MIA2: variants seen among roughly 807,000 people sequenced by gnomAD.
MIA2 encodes MIA SH3 domain ER export factor 2, also known as melanoma inhibitory activity protein 2.
MIA2 carries 127 observed loss-of-function variants against 167.8 expected under a neutral mutation model. That is an observed-to-expected ratio of 0.76 (90% CI 0.66 to 0.88). The LOEUF is 0.88. Among genes scored for constraint, MIA2 ranks in the 40% least tolerant of loss-of-function variants. MIA2 has a pLI of 0.00. For missense variants in MIA2, 1,690 were observed against 1,624.7 expected (o/e 1.04, Z -0.69); for synonymous variants, 552 against 541.9 (o/e 1.02, Z -0.26).
intron 6 of MIA2, chr14:39,267,061 G>C (rs12896883): frequency 3.8e-6 from 4 of 1,061,026 alleles, no homozygotes; most frequent in Non-Finnish European, 4.6e-6. Flanking sequence ...GCCCCTTTAA[G>C]AGCAAACGAC....
intron 6 of MIA2, among the ~76,000 whole-genome samples, chr14:39,269,547 C>G (rs1023648702): frequency 6.0e-5 from 9 of 150,076 alleles, no homozygotes; most frequent in African/African-American, 2.2e-4. Context: ...GAGACAGGGT[C>G]TCATCCCTGT....
downstream of MIA2, among the ~76,000 whole-genome samples, chr14:39,354,673 C>T (rs926043197): frequency 6.6e-6 from 1 of 152,078 alleles, no homozygotes; most frequent in Non-Finnish European, 1.5e-5. Context: ...AGGTTTTCTT[C>T]TAGGGTTTTT....
chr14:39,262,630 A>G (rs1195563526), intron 6 of MIA2, among the ~76,000 whole-genome samples: 2 of 152,184 alleles, frequency 1.3e-5, no homozygotes, highest in Non-Finnish European at 1.5e-5. Context: ...CACAATATTG[A>G]TTCTTCCTAT....
At chr14:39,365,425 T>A (rs889259761) in intron 23 of MIA2, among the ~76,000 whole-genome samples, 8 of 152,212 alleles carry the variant, frequency 5.3e-5, no homozygotes, top group African/African-American at 9.6e-5. Flanking sequence ...AATTCAAATA[T>A]TTGGTTACAC....
intron 14 of MIA2, among the ~76,000 whole-genome samples, chr14:39,300,941 T>C (rs1363541123): frequency 7.1e-6 from 1 of 141,092 alleles, no homozygotes; most frequent in Non-Finnish European, 1.5e-5. Flanking sequence ...CACACATATA[T>C]ACATATATAC....
chr14:39,354,300 T>C, downstream of MIA2, among the ~76,000 whole-genome samples: 1 of 152,266 alleles, frequency 6.6e-6, no homozygotes, highest in East Asian at 1.9e-4. Context: ...TTGATTTGCA[T>C]TTCTCTGATG....
chr14:39,267,530 CA>C, intron 6 of MIA2: 1 of 1,613,250 alleles, frequency 6.2e-7, no homozygotes, highest in Non-Finnish European at 8.5e-7. Flanking sequence ...AGGGTGAGCC[CA>C]GGCGCGATGA....
chr14:39,347,884 C>T, intron 27 of MIA2, 113 bp downstream of exon 27: 3 of 983,876 alleles, frequency 3.0e-6, no homozygotes, highest in South Asian at 1.7e-5. Flanking sequence ...TGCAGTGGCG[C>T]TATCTCGGCT....
intron 6 of MIA2, chr14:39,265,472 G>A (rs878915172): frequency 4.7e-6 from 7 of 1,476,268 alleles, no homozygotes; most frequent in Non-Finnish European, 6.6e-6. Context: ...TTGGAATTTT[G>A]CACTAAGTTT....
intron 26 of MIA2, 47 bp downstream of exon 26, chr14:39,346,073 A>G (rs201008412): frequency 1.5e-3 from 2,363 of 1,534,278 alleles, no homozygotes; most frequent in Non-Finnish European, 2.0e-3. Context: ...TTGGTGGCAC[A>G]CTAAAGAACT....
At chr14:39,359,947 C>G (rs2074637381) in intron 23 of MIA2, among the ~76,000 whole-genome samples, 2 of 151,698 alleles carry the variant, frequency 1.3e-5, no homozygotes, top group Admixed American at 6.6e-5. Flanking sequence ...ACATTCCTAC[C>G]AACAGTGTAT....
chr14:39,329,315 T>G (rs1485315569), intron 25 of MIA2, among the ~76,000 whole-genome samples: 1 of 152,246 alleles, frequency 6.6e-6, no homozygotes, highest in African/African-American at 2.4e-5. Flanking sequence ...TTTTGTATCC[T>G]GAGACTTTGC....
intron 16 of MIA2, among the ~76,000 whole-genome samples, chr14:39,303,865 T>TTA (rs2062905993): frequency 6.6e-6 from 1 of 151,820 alleles, no homozygotes; most frequent in African/African-American, 2.4e-5. Flanking sequence ...CCCTATATCC[T>TTA]ATTTTAAGTA....
rs548814650 is a variant in MIA2 at position 39,281,378 on chromosome 14, T to C, written c.2130+1841T>C. On this transcript the variant is annotated intron_variant, in intron 9 of 28. Coordinates refer to ENST00000640607, the MANE Select transcript of MIA2 (RefSeq NM_001329214.4). ...CGTTCTTTTCCAGGGTTTCCATCTT[T>C]TTGTTTGCCCACACTTCAGTCTAGA... Among the ~76,000 whole-genome samples the C allele has an allele frequency of 2.6e-5, 4 of 152,280 alleles. No homozygotes were observed. In the South Asian group the frequency reaches 6.2e-4, roughly 24 times the overall value.
chr14:39,246,242 G>T (rs890346217), intron 3 of MIA2, among the ~76,000 whole-genome samples: 5 of 151,800 alleles, frequency 3.3e-5, no homozygotes, highest in Non-Finnish European at 5.9e-5. Context: ...GACTACAGGC[G>T]CCCACCACCA....
intron 16 of MIA2, 54 bp from the exon 17 acceptor site, chr14:39,304,237 A>ATT (rs1422192236): frequency 2.9e-6 from 2 of 696,568 alleles, no homozygotes; most frequent in Non-Finnish European, 4.6e-6. Flanking sequence ...TTTTATTTTT[A>ATT]TTTTTTTGTA....
rs904823725 is a variant in MIA2, at chr14:39,295,976, T to C, written c.2496+947T>C. Among the ~76,000 whole-genome samples, 5 of 152,344 alleles carry C rather than the reference T, an allele frequency of 3.3e-5. No homozygotes were observed. In the South Asian group the frequency reaches 6.2e-4, roughly 19 times the overall value. On this transcript the variant is annotated intron_variant, in intron 13 of 28. Coordinates refer to ENST00000640607, the MANE Select transcript of MIA2 (RefSeq NM_001329214.4). ...ATGCTGTCTTCTAGAGATACAGATA[T>C]CTTATTCATGCCTTCAAATGCTTTG...
chr14:39,280,638 C>T (rs2058773061), intron 9 of MIA2, among the ~76,000 whole-genome samples: 1 of 152,064 alleles, frequency 6.6e-6, no homozygotes, highest in South Asian at 2.1e-4. Flanking sequence ...GAGGCTGAGG[C>T]AGGAGAATGG....
In MIA2 at chr14:39,282,752, T is replaced by C. The variant is rs181459930; in HGVS notation, c.2130+3215T>C. ...CATGCTTGCCTGATTTTTAAATTTT[T>C]TGTAGAGATGGGGTCTCCCTATGTT... On this transcript the variant is annotated intron_variant, in intron 9 of 28. Transcript: ENST00000640607. 3.4e-3 allele frequency among the ~76,000 whole-genome samples: 510 copies of C among 152,216 alleles called. 1 individual carries two copies. Among genetic ancestry groups the C allele is most frequent in the African/African-American group, 0.012 (487 of 41,532 alleles).
Sources: allele counts gnomAD v4.1 joint callset (sites outside exome capture counted in the v4.1 genomes callset), GRCh38; gene constraint gnomAD v4.1.1; transcripts MANE v1.5; gene names NCBI Gene and HGNC (gene_info 2026-07-23, HGNC 2026-07-21).